The following CORO2B variants were observed in gnomAD, a reference collection of about 807,000 sequenced individuals.
The protein encoded by CORO2B is coronin 2B.
Under a neutral mutation model 58.8 loss-of-function variants are expected in CORO2B, and 26 were observed. The ratio of observed to expected loss-of-function variants is 0.44; its 90% CI spans 0.32 to 0.61. The LOEUF (loss-of-function observed/expected upper bound fraction) is 0.61, where lower values mean the gene tolerates loss of function less well. Among genes scored for constraint, CORO2B ranks in the 20% least tolerant of loss-of-function variants. The probability of loss-of-function intolerance (pLI) is 0.04; values close to 1 mark genes in which losing one functional copy is unlikely to be tolerated. For missense variants in CORO2B, 460 were observed against 645.1 expected, an observed-to-expected ratio of 0.71 and a Z score of 3.11; for synonymous variants, 242 against 253.8, an observed-to-expected ratio of 0.95 and a Z score of 0.44.
At chr15:68,528,296 C>T in the CORO2B span, among the ~76,000 whole-genome samples, 1 of 152,082 alleles carries the variant, frequency 6.6e-6, no homozygotes, top group African/African-American at 2.4e-5. Flanking sequence ...TTCTCTTTAT[C>T]AAGTTGAGGA....
chr15:68,640,046 A>G (rs781004138), intron 1 of CORO2B, among the ~76,000 whole-genome samples: 10 of 152,166 alleles, frequency 6.6e-5, no homozygotes, highest in African/African-American at 9.7e-5. Context: ...TCTCTCTGGC[A>G]GAGTAGGGAG....
the CORO2B span, among the ~76,000 whole-genome samples, chr15:68,560,471 A>C: frequency 6.6e-6 from 1 of 151,278 alleles, no homozygotes; most frequent in African/African-American, 2.4e-5. Flanking sequence ...ATTAAAGACA[A>C]TTTTTTTTGT....
intron 1 of CORO2B, among the ~76,000 whole-genome samples, chr15:68,603,615 G>A (rs186463664): frequency 4.7e-4 from 72 of 152,190 alleles, no homozygotes; most frequent in Admixed American, 3.0e-3. Flanking sequence ...AGGTCATAAA[G>A]GCAGAGCCCT....
At chr15:68,711,480 G>A (rs2140327513) in intron 4 of CORO2B, 62 bp from the exon 5 acceptor site, 2 of 1,500,446 alleles carry the variant, frequency 1.3e-6, no homozygotes, top group East Asian at 2.3e-5. Context: ...TGTGCACTGG[G>A]GACAAACACC....
At chr15:68,616,162 G>C (rs1900350607) in intron 1 of CORO2B, among the ~76,000 whole-genome samples, 3 of 152,276 alleles carry the variant, frequency 2.0e-5, no homozygotes, top group Non-Finnish European at 4.4e-5. Context: ...GTAGTAAACA[G>C]TATAATGATG....
chr15:68,605,115 A>T (rs554986632), intron 1 of CORO2B, among the ~76,000 whole-genome samples: 18 of 150,978 alleles, frequency 1.2e-4, no homozygotes, highest in Non-Finnish European at 2.1e-4. Context: ...CTCCGTCTCA[A>T]GGAAAAAAAA....
intron 1 of CORO2B, among the ~76,000 whole-genome samples, chr15:68,641,268 G>C (rs1901214008): frequency 6.6e-6 from 1 of 152,220 alleles, no homozygotes; most frequent in African/African-American, 2.4e-5. Flanking sequence ...CCTGAGCGCT[G>C]TGGTCCCCCA....
intron 2 of CORO2B, among the ~76,000 whole-genome samples, chr15:68,664,692 A>G (rs544050162): frequency 6.6e-6 from 1 of 151,742 alleles, no homozygotes; most frequent in Admixed American, 6.6e-5. Flanking sequence ...GAGTGTTATC[A>G]TATGTTTTAA....
chr15:68,706,663 G>T (rs1400544590), intron 3 of CORO2B, among the ~76,000 whole-genome samples: 4 of 152,172 alleles, frequency 2.6e-5, no homozygotes, highest in African/African-American at 9.7e-5. Flanking sequence ...TCCTACTCAA[G>T]TGCAGACAAG....
At chr15:68,698,279 G>C (rs1161235317) in intron 3 of CORO2B, among the ~76,000 whole-genome samples, 2 of 152,190 alleles carry the variant, frequency 1.3e-5, no homozygotes, top group Non-Finnish European at 2.9e-5. Context: ...GACCCAGCTA[G>C]GATAACAGAT....
intron 3 of CORO2B, among the ~76,000 whole-genome samples, chr15:68,703,342 G>A (rs1280634522): frequency 6.6e-6 from 1 of 150,966 alleles, no homozygotes; most frequent in Non-Finnish European, 1.5e-5. Flanking sequence ...GTAAAGACAG[G>A]GTTTCACCAT....
intron 3 of CORO2B, among the ~76,000 whole-genome samples, chr15:68,695,637 G>T (rs903334354): frequency 6.6e-6 from 1 of 152,182 alleles, no homozygotes; most frequent in Non-Finnish European, 1.5e-5. Flanking sequence ...GGAAAAGAGC[G>T]CCTGTTCTTT....
At chr15:68,725,693 C>T (rs1431126492) in intron 11 of CORO2B, 150 bp from the exon 12 acceptor site, 2 of 975,672 alleles carry the variant, frequency 2.0e-6, no homozygotes, top group East Asian at 5.0e-5. Context: ...GCAATAAATG[C>T]ACCTGGGGAG....
intron 1 of CORO2B, among the ~76,000 whole-genome samples, chr15:68,595,334 G>A (rs11634913): frequency 0.39 from 60,040 of 152,190 alleles, 12,977 homozygotes; most frequent in East Asian, 0.76. Context: ...CTCCCAGGAA[G>A]GGGGACATGG....
chr15:68,534,238 A>ACG, the CORO2B span, among the ~76,000 whole-genome samples: 149 of 152,308 alleles, frequency 9.8e-4, no homozygotes, highest in African/African-American at 3.5e-3. Flanking sequence ...ATACACATAC[A>ACG]CACATGCATG....
At chr15:68,666,452 AC>A (rs1021795145) in intron 2 of CORO2B, among the ~76,000 whole-genome samples, 1 of 152,144 alleles carries the variant, frequency 6.6e-6, no homozygotes, top group Admixed American at 6.6e-5. Flanking sequence ...ACTCCACAGG[AC>A]CCAGGGAGTG....
chr15:68,645,056 C>T lies in CORO2B; in HGVS notation c.16-104C>T. On this transcript the variant is annotated intron_variant, in intron 1 of 11. Coordinates refer to ENST00000261861, the MANE Select transcript of CORO2B (RefSeq NM_006091.5). This position sits in a 1 kb window ranked among gnomAD's most constrained non-coding sequence, Gnocchi z 4.5. ...TGACAGGGGACCCAGGGCCTGCTCA[C>T]CTGCTGCACCTCTGAGCCGCAGCTT... 1 of 1,202,338 alleles carries T rather than the reference C, an allele frequency of 8.3e-7. No homozygotes were observed. The highest frequency in any genetic ancestry group is 1.2e-6 in the Non-Finnish European group (1 of 854,158). 74.5% of individuals were successfully genotyped at this position (1,202,338 alleles called of 1,614,324 possible).
the CORO2B span, among the ~76,000 whole-genome samples, chr15:68,537,742 G>A: frequency 7.9e-5 from 12 of 152,298 alleles, no homozygotes; most frequent in African/African-American, 2.9e-4. Context: ...AGAACATGCA[G>A]TGTTTAAATA....
At chr15:68,621,932 A>G (rs1053676077) in intron 1 of CORO2B, among the ~76,000 whole-genome samples, 7 of 151,220 alleles carry the variant, frequency 4.6e-5, no homozygotes, top group Non-Finnish European at 1.0e-4. Flanking sequence ...AATTTTTCTG[A>G]TTTTCTTATT....
Sources: allele counts gnomAD v4.1 joint callset (sites outside exome capture counted in the v4.1 genomes callset), GRCh38; gene constraint gnomAD v4.1.1; non-coding constraint Gnocchi (gnomAD v3.1); transcripts MANE v1.5; gene names NCBI Gene and HGNC (gene_info 2026-07-23, HGNC 2026-07-21).